Variants in DLD observed in about 807,000 individuals in gnomAD.
DLD encodes dihydrolipoamide dehydrogenase.
DLD carries 36 observed loss-of-function variants against 62.2 expected under a neutral mutation model. The observed-to-expected ratio is 0.58, with a 90% CI of 0.44 to 0.76. The LOEUF is 0.76. DLD is among the 30% of genes least tolerant of loss of function. DLD has a pLI of 0.00. For missense variants in DLD, 541 were observed against 608.6 expected, an observed-to-expected ratio of 0.89 and a Z score of 1.17; for synonymous variants, 204 against 199.6, an observed-to-expected ratio of 1.02 and a Z score of -0.19.
At chr7:107,917,218 G>A in intron 10 of DLD, 55 bp from the exon 11 acceptor site, 3 of 1,597,196 alleles carry the variant, frequency 1.9e-6, no homozygotes, top group South Asian at 1.1e-5. Context: ...TGTAACTGAA[G>A]GTAAGTAGCT....
At chr7:107,911,920 T>C (rs538573010) in intron 8 of DLD, among the ~76,000 whole-genome samples, 3 of 152,220 alleles carry the variant, frequency 2.0e-5, no homozygotes, top group African/African-American at 7.2e-5. Flanking sequence ...CCAGCTCTTA[T>C]TTATTCTGTC....
intron 1 of DLD, among the ~76,000 whole-genome samples, chr7:107,891,969 TTAAAAA>T (rs1217064351): frequency 4.6e-5 from 7 of 152,230 alleles, no homozygotes; most frequent in Non-Finnish European, 1.0e-4. Context: ...AGTGGAGACC[TTAAAAA>T]TAATATAGCG....
chr7:107,915,078 G>C (rs2032234841), intron 8 of DLD, among the ~76,000 whole-genome samples: 1 of 152,200 alleles, frequency 6.6e-6, no homozygotes, highest in Admixed American at 6.5e-5. Flanking sequence ...GTCACTCCCA[G>C]TGAGGCTTTC....
intron 10 of DLD, 77 bp from the exon 11 acceptor site, chr7:107,917,196 T>C (rs2032291159): frequency 1.9e-6 from 3 of 1,554,646 alleles, no homozygotes; most frequent in South Asian, 1.1e-5. Flanking sequence ...CTGGAAACTT[T>C]TGTTACCATA....
chr7:107,905,321 A>G (rs2031977124), intron 6 of DLD, 40 bp from the exon 7 acceptor site: 1 of 1,570,758 alleles, frequency 6.4e-7, no homozygotes. Flanking sequence ...CAAACAAATT[A>G]CTTTAAACTT....
At chr7:107,907,509 G>C (rs2032036544) in intron 8 of DLD, among the ~76,000 whole-genome samples, 1 of 152,110 alleles carries the variant, frequency 6.6e-6, no homozygotes, top group African/African-American at 2.4e-5. Flanking sequence ...TCAAGTTGAT[G>C]TCCTAAATTT....
At chr7:107,917,852 G>A in intron 11 of DLD, 72 bp from the exon 12 acceptor site, 1 of 1,581,964 alleles carries the variant, frequency 6.3e-7, no homozygotes, top group Non-Finnish European at 8.7e-7. Context: ...CTGAACAAAT[G>A]GTAGATGATT....
chr7:107,899,706 A>G (rs2031829209), intron 2 of DLD, among the ~76,000 whole-genome samples: 1 of 152,104 alleles, frequency 6.6e-6, no homozygotes, highest in African/African-American at 2.4e-5. Flanking sequence ...TATGGCAAAA[A>G]TTGAATTTTA....
chr7:107,912,104 C>CT (rs1029002209), intron 8 of DLD, among the ~76,000 whole-genome samples: 5 of 151,984 alleles, frequency 3.3e-5, no homozygotes, highest in African/African-American at 1.2e-4. Context: ...CTGTGCTTAG[C>CT]TTATTTTGCT....
Position 107,905,101 on chromosome 7 carries a change from A to C in DLD, c.438+43A>C, listed in dbSNP as rs112595657. ...AGATTTCTGCTTTACTTTGAATACA[A>C]ATTAAACTTTGCATTATAGAGTGAT... On this transcript the variant is annotated intron_variant, in intron 6 of 13. Coordinates refer to ENST00000205402, the MANE Select transcript of DLD (RefSeq NM_000108.5). The C allele has an allele frequency of 1.7e-3, 2,417 of 1,406,438 alleles. 36 individuals are homozygous for C. In the African/African-American group the frequency reaches 0.031, roughly 18 times the overall value. 87.1% of individuals were successfully genotyped at this position (1,406,438 alleles called of 1,614,324 possible).
At chr7:107,904,889 G>C (rs764254333) in intron 5 of DLD, 69 bp from the exon 6 acceptor site, 1 of 1,127,270 alleles carries the variant, frequency 8.9e-7, no homozygotes, top group Non-Finnish European at 1.3e-6. Flanking sequence ...TCCAGTTGGT[G>C]AGTGAAAAAC....
At chr7:107,914,144 T>C (rs1190944034) in intron 8 of DLD, among the ~76,000 whole-genome samples, 1 of 152,176 alleles carries the variant, frequency 6.6e-6, no homozygotes, top group Non-Finnish European at 1.5e-5. Context: ...CTTAGATTTC[T>C]CTAATGACTT....
At chr7:107,899,234 G>C (rs1167676045) in intron 2 of DLD, among the ~76,000 whole-genome samples, 1 of 151,100 alleles carries the variant, frequency 6.6e-6, no homozygotes, top group Non-Finnish European at 1.5e-5. Context: ...TCAGTTGACA[G>C]ATCTTTACAT....
At position 107,891,228 on chromosome 7, in the gene DLD, G is replaced by A; in HGVS notation, c.-23G>A. The A allele has an allele frequency of 6.2e-7, 1 of 1,614,038 alleles. No individual in the cohort carries two copies. ...GCCCAGCGGAGGTGAAAGTATTGGC[G>A]GAAAGGAAAATACAGCGGAAAAATG... On this transcript the variant is annotated 5_prime_UTR_variant, in exon 1 of 14. Transcript: ENST00000205402.
intron 8 of DLD, among the ~76,000 whole-genome samples, chr7:107,907,054 C>G (rs2032026233): frequency 6.6e-6 from 1 of 152,130 alleles, no homozygotes; most frequent in Non-Finnish European, 1.5e-5. Flanking sequence ...GTCCATAGAT[C>G]TACTTTTTTG....
chr7:107,906,856 C>T (rs1289161112), intron 8 of DLD, among the ~76,000 whole-genome samples: 2 of 152,152 alleles, frequency 1.3e-5, no homozygotes, highest in Non-Finnish European at 2.9e-5. Flanking sequence ...CCTTCTTGTC[C>T]ATCTGGCAGC....
rs184611669 is a variant in DLD at position 107,915,787 on chromosome 7, T to G, written c.875+91T>G. 4.1e-5 allele frequency: 47 copies of G among 1,135,672 alleles called. 1 individual carries two copies. In the African/African-American group the frequency reaches 4.8e-4, roughly 12 times the overall value. 70.3% of individuals were successfully genotyped at this position (1,135,672 alleles called of 1,614,324 possible). ...AAAATCAGTTTAGCAAATATAGGGT[T>G]TTTTCTAACTTAAGGTCATTTTATT... On this transcript the variant is annotated intron_variant, in intron 9 of 13. Coordinates refer to ENST00000205402, the MANE Select transcript of DLD (RefSeq NM_000108.5).
chr7:107,891,653 C>T (rs2031580588), intron 1 of DLD: 1 of 409,282 alleles, frequency 2.4e-6, no homozygotes, highest in Non-Finnish European at 4.6e-6. Context: ...CTTTTTATAC[C>T]ATTTGCCTTT....
rs2116271309 is a variant in DLD, at chr7:107,917,220, T to TA, written c.1047-51dup. On this transcript the variant is annotated intron_variant, in intron 10 of 13. Coordinates refer to ENST00000205402, the MANE Select transcript of DLD (RefSeq NM_000108.5). The stretch of plus-strand genomic sequence containing the variant: ...TTTGTTACCATAATGTAACTGAAGG[T>TA]AAGTAGCTGTGATTTCAGAAATTCA... 3 of 1,599,342 alleles carry TA rather than the reference T, an allele frequency of 1.9e-6. No individual in the cohort carries two copies. The East Asian group carries it at 6.7e-5, about 36-fold the overall frequency.
Sources: allele counts gnomAD v4.1 joint callset (sites outside exome capture counted in the v4.1 genomes callset), GRCh38; gene constraint gnomAD v4.1.1; transcripts MANE v1.5; gene names NCBI Gene and HGNC (gene_info 2026-07-23, HGNC 2026-07-21).